The following METTL15 variants were observed in gnomAD, a reference collection of about 807,000 sequenced individuals.
The protein encoded by METTL15 is 12S rRNA N(4)-cytidine methyltransferase METTL15.
In METTL15, 34 loss-of-function variants were observed where a neutral mutation model predicts 38.3. That is an observed-to-expected ratio of 0.89 (90% CI 0.68 to 1.18). The LOEUF is 1.18. Ranked by LOEUF, METTL15 falls within the 50% of genes most tolerant of loss-of-function variation. The pLI, the probability that METTL15 is intolerant of heterozygous loss-of-function variation, is 0.00. For missense variants in METTL15, 438 were observed against 498.4 expected (o/e 0.88, Z 1.15); for synonymous variants, 162 against 170.9 (o/e 0.95, Z 0.41).
At chr11:28,248,869 C>T (rs1429657918) in intron 4 of METTL15, among the ~76,000 whole-genome samples, 1 of 151,908 alleles carries the variant, frequency 6.6e-6, no homozygotes, top group African/African-American at 2.4e-5. Context: ...TGCCACTCTC[C>T]CACAAAACTC....
chr11:28,515,617 G>T (rs1029254262), intron 6 of METTL15, among the ~76,000 whole-genome samples: 1 of 152,152 alleles, frequency 6.6e-6, no homozygotes, highest in African/African-American at 2.4e-5. Context: ...TGCCTACTTT[G>T]CACTATAAAG....
In METTL15 at chr11:28,436,977, C is replaced by A. The variant is rs1011602168; in HGVS notation, c.*424+12613C>A. On this transcript the variant is annotated intron_variant and NMD_transcript_variant, in intron 6 of 7. Transcript: ENST00000532947. ...CTAGAATAAAGCAGGCAGAAGAAGGCGGGTGAAGCTGACTTGCAGAGTCTT... is the reference window on the plus strand; with the variant it reads ...CTAGAATAAAGCAGGCAGAAGAAGGAGGGTGAAGCTGACTTGCAGAGTCTT... Among the ~76,000 whole-genome samples the A allele has an allele frequency of 2.0e-5, 3 of 152,122 alleles. No individual in the cohort carries two copies. In the East Asian group the frequency reaches 5.8e-4, roughly 29 times the overall value.
intron 4 of METTL15, among the ~76,000 whole-genome samples, chr11:28,226,021 G>A (rs993519357): frequency 6.6e-6 from 1 of 151,804 alleles, no homozygotes; most frequent in African/African-American, 2.4e-5. Flanking sequence ...CTAATTAGAA[G>A]TTATCTTTTC....
At chr11:28,369,679 A>T (rs892492598) in intron 5 of METTL15, among the ~76,000 whole-genome samples, 2 of 152,146 alleles carry the variant, frequency 1.3e-5, no homozygotes, top group African/African-American at 4.8e-5. Flanking sequence ...GAATACTATA[A>T]CTGGCAAAAG....
chr11:28,165,050 A>G (rs1462727538), intron 3 of METTL15, among the ~76,000 whole-genome samples: 2 of 152,142 alleles, frequency 1.3e-5, no homozygotes, highest in Non-Finnish European at 2.9e-5. Context: ...ATATTTTTCC[A>G]TTATGTGTAT....
At chr11:28,237,158 G>A (rs1260629152) in intron 4 of METTL15, among the ~76,000 whole-genome samples, 1 of 152,122 alleles carries the variant, frequency 6.6e-6, no homozygotes, top group Non-Finnish European at 1.5e-5. Flanking sequence ...TGCCTTGCTA[G>A]TTTGGGGAAG....
At position 28,333,096 on chromosome 11, in the gene METTL15, C is replaced by A. The variant is rs1240552461; in HGVS notation, c.*2255C>A. 4.6e-5 allele frequency: 7 copies of A among 151,492 alleles called. No homozygotes were observed. In the East Asian group the frequency reaches 1.4e-3, roughly 29 times the overall value. The allele number at this position is 151,492 out of a possible 1,614,324, so 9.4% of individuals were successfully genotyped here. A position where few individuals can be genotyped will look rare whatever the true frequency, so the allele number is the denominator to read the frequency against. On this transcript the variant is annotated 3_prime_UTR_variant, in exon 7 of 7. Transcript: ENST00000407364. ...CCCTCAGAGTTCCAGTAGTTGCCAACCCTGCTAACATGGTTTTGCACATCT... is the reference window on the plus strand; with the variant it reads ...CCCTCAGAGTTCCAGTAGTTGCCAAACCTGCTAACATGGTTTTGCACATCT...
intron 6 of METTL15, among the ~76,000 whole-genome samples, chr11:28,493,523 C>A (rs930465921): frequency 6.6e-6 from 1 of 152,138 alleles, no homozygotes; most frequent in African/African-American, 2.4e-5. Context: ...AATTAAACAT[C>A]GACTCTGGTT....
chr11:28,516,983 AG>A (rs1269795641), intron 6 of METTL15: 8 of 152,264 alleles, frequency 5.3e-5, no homozygotes, highest in African/African-American at 1.9e-4. Flanking sequence ...GTCAAATGAC[AG>A]CGATCCAGTT....
At chr11:28,283,001 T>C (rs1462322523) in intron 4 of METTL15, among the ~76,000 whole-genome samples, 1 of 152,218 alleles carries the variant, frequency 6.6e-6, no homozygotes, top group East Asian at 1.9e-4. Flanking sequence ...TTTTTCTCAG[T>C]TGTGTATGTC....
chr11:28,238,505 C>T (rs1854130740), intron 4 of METTL15, among the ~76,000 whole-genome samples: 1 of 152,218 alleles, frequency 6.6e-6, no homozygotes, highest in South Asian at 2.1e-4. Flanking sequence ...CAGGTGCCAT[C>T]TGTCACCCCT....
At chr11:28,486,447 A>G (rs764489768) in intron 6 of METTL15, among the ~76,000 whole-genome samples, 34 of 150,950 alleles carry the variant, frequency 2.3e-4, no homozygotes, top group Non-Finnish European at 4.7e-4. Flanking sequence ...TGTTCTGTCC[A>G]TTTCTAGAGA....
chr11:28,153,228 C>T (rs1010401864), intron 3 of METTL15, among the ~76,000 whole-genome samples: 3 of 151,908 alleles, frequency 2.0e-5, no homozygotes, highest in African/African-American at 7.3e-5. Context: ...CTTATTTTAC[C>T]CAGCTCCTAT....
chr11:28,199,935 G>C (rs1852047890), intron 3 of METTL15, among the ~76,000 whole-genome samples: 1 of 151,806 alleles, frequency 6.6e-6, no homozygotes, highest in Non-Finnish European at 1.5e-5. Context: ...GTAGAGACGG[G>C]GTTTCACCAT....
intron 4 of METTL15, among the ~76,000 whole-genome samples, chr11:28,250,982 T>G (rs1854718471): frequency 6.6e-6 from 1 of 152,078 alleles, no homozygotes; most frequent in Non-Finnish European, 1.5e-5. Flanking sequence ...AGGATAATTC[T>G]TAAATCAACA....
At chr11:28,138,517 G>A (rs1849589323) in intron 3 of METTL15, among the ~76,000 whole-genome samples, 1 of 152,122 alleles carries the variant, frequency 6.6e-6, no homozygotes, top group Non-Finnish European at 1.5e-5. Flanking sequence ...GAGTGTACAA[G>A]GTATTTTCAA....
At chr11:28,402,672 T>C (rs978448695) in intron 5 of METTL15, among the ~76,000 whole-genome samples, 1 of 151,980 alleles carries the variant, frequency 6.6e-6, no homozygotes, top group Non-Finnish European at 1.5e-5. Context: ...TTTCTAACTT[T>C]TTAAAATTTC....
chr11:28,430,902 G>A (rs1188269686), intron 6 of METTL15, among the ~76,000 whole-genome samples: 1 of 86,914 alleles, frequency 1.2e-5, no homozygotes, highest in South Asian at 3.5e-4. Flanking sequence ...GGAGGGAGGT[G>A]GGGGGGTCAG....
chr11:28,217,094 G>C (rs1852920087), intron 4 of METTL15, among the ~76,000 whole-genome samples: 1 of 152,094 alleles, frequency 6.6e-6, no homozygotes, highest in South Asian at 2.1e-4. Flanking sequence ...GGCTGGCTGG[G>C]TCAAATGGTA....
Sources: allele counts gnomAD v4.1 joint callset (sites outside exome capture counted in the v4.1 genomes callset), GRCh38; gene constraint gnomAD v4.1.1; transcripts MANE v1.5; gene names NCBI Gene and HGNC (gene_info 2026-07-23, HGNC 2026-07-21).